Variants in PTK2B observed in about 807,000 individuals in gnomAD.
PTK2B encodes protein-tyrosine kinase 2-beta.
PTK2B carries 71 observed loss-of-function variants against 142.9 expected under a neutral mutation model. That is an observed-to-expected ratio of 0.50 (90% CI 0.41 to 0.61). PTK2B has a LOEUF of 0.61. PTK2B is among the 20% of genes least tolerant of loss of function. PTK2B has a pLI of 0.00. For synonymous variants in PTK2B, 519 were observed against 503.4 expected (o/e 1.03, Z -0.42); for missense variants, 1,105 against 1,320.4 (o/e 0.84, Z 2.53).
intron 1 of PTK2B, among the ~76,000 whole-genome samples, chr8:27,382,944 T>G (rs1807117382): frequency 6.6e-6 from 1 of 152,232 alleles, no homozygotes; most frequent in African/African-American, 2.4e-5. Context: ...CATGCTATTT[T>G]GGTTACTTTA....
intron 24 of PTK2B, among the ~76,000 whole-genome samples, chr8:27,449,115 A>T (rs1399974942): frequency 6.6e-6 from 1 of 152,232 alleles, no homozygotes; most frequent in Non-Finnish European, 1.5e-5. Flanking sequence ...CCTGGAAATA[A>T]GGACTTGTCT....
intron 2 of PTK2B, among the ~76,000 whole-genome samples, chr8:27,405,030 C>T (rs1367091): frequency 1.6e-5 from 2 of 123,448 alleles, no homozygotes; most frequent in African/African-American, 6.3e-5. Context: ...TCCTCTCTTT[C>T]TCTTCCTCTC....
chr8:27,406,287 G>T (rs755202725), intron 2 of PTK2B, among the ~76,000 whole-genome samples: 1 of 151,924 alleles, frequency 6.6e-6, no homozygotes, highest in African/African-American at 2.4e-5. Flanking sequence ...CATTTGCAAA[G>T]CCCCCCATTT....
intron 1 of PTK2B, among the ~76,000 whole-genome samples, chr8:27,326,651 T>C (rs1322473607): frequency 6.6e-6 from 1 of 152,190 alleles, no homozygotes; most frequent in East Asian, 1.9e-4. Context: ...GAGGCCCCTC[T>C]ACGTGGGATG....
At chr8:27,352,637 C>T (rs531460169) in intron 1 of PTK2B, among the ~76,000 whole-genome samples, 40 of 152,250 alleles carry the variant, frequency 2.6e-4, no homozygotes, top group Admixed American at 2.1e-3. Context: ...GGGAGGGACC[C>T]GGTGGGAGGT....
chr8:27,325,832 G>A (rs1186117802), intron 1 of PTK2B, among the ~76,000 whole-genome samples, 151 bp downstream of exon 1: 1 of 152,242 alleles, frequency 6.6e-6, no homozygotes, highest in East Asian at 1.9e-4. Context: ...AATCGGAGCC[G>A]TGGGTGCTGT....
intron 3 of PTK2B, among the ~76,000 whole-genome samples, chr8:27,318,007 C>G (rs143694993): frequency 8.6e-5 from 13 of 151,928 alleles, no homozygotes; most frequent in Non-Finnish European, 1.8e-4. Flanking sequence ...GGTTTTTTTT[C>G]TCTAAAGCAT....
rs1019438337 is a variant in PTK2B at position 27,451,833 on chromosome 8, G to A, written c.2548+324G>A. 1.1e-5 allele frequency: 13 copies of A among 1,145,064 alleles called. No individual in the cohort carries two copies. The East Asian group carries it at 1.4e-4, about 12-fold the overall frequency. The allele number at this position is 1,145,064 out of a possible 1,614,324, so 70.9% of individuals were successfully genotyped here. The stretch of plus-strand genomic sequence containing the variant: ...ATTTCCTGCTCTGTTGGAAGCTCCC[G>A]TGGGAAAAGTTAAGCAGTGCCACCT... On this transcript the variant is annotated intron_variant, in intron 27 of 30. Coordinates refer to ENST00000346049, the MANE Select transcript of PTK2B (RefSeq NM_173176.3).
chr8:27,388,092 G>A (rs1807482415), intron 1 of PTK2B, among the ~76,000 whole-genome samples: 1 of 152,214 alleles, frequency 6.6e-6, no homozygotes, highest in South Asian at 2.1e-4. Flanking sequence ...TTGATTAGCA[G>A]TCTTTAGAAG....
chr8:27,370,864 A>C (rs1806310154), intron 1 of PTK2B, among the ~76,000 whole-genome samples: 1 of 152,146 alleles, frequency 6.6e-6, no homozygotes, highest in African/African-American at 2.4e-5. Flanking sequence ...CTTATTTTTA[A>C]AGAGAAAACT....
intron 7 of PTK2B, among the ~76,000 whole-genome samples, 200 bp from the exon 8 acceptor site, chr8:27,430,676 T>C (rs1810354674): frequency 6.6e-6 from 1 of 152,152 alleles, no homozygotes; most frequent in Admixed American, 6.5e-5. Context: ...CCTCGCCCCC[T>C]CAACCTCCTT....
intron 1 of PTK2B, among the ~76,000 whole-genome samples, chr8:27,375,984 C>T: frequency 6.6e-6 from 1 of 152,220 alleles, no homozygotes; most frequent in East Asian, 1.9e-4. Context: ...GGTTAGTCTG[C>T]TCAGCCGTGC....
chr8:27,319,403 G>A (rs566665678), intron 3 of PTK2B, among the ~76,000 whole-genome samples: 1 of 151,612 alleles, frequency 6.6e-6, no homozygotes, highest in African/African-American at 2.4e-5. Context: ...AGCACTTTGG[G>A]AGGCCAAGGC....
chr8:27,398,035 T>C (rs1198573643), intron 2 of PTK2B, among the ~76,000 whole-genome samples: 1 of 152,266 alleles, frequency 6.6e-6, no homozygotes, highest in Non-Finnish European at 1.5e-5. Context: ...ATAATTTGTT[T>C]GGCCTCTGAT....
intron 1 of PTK2B, among the ~76,000 whole-genome samples, chr8:27,369,950 C>G (rs1806249199): frequency 6.6e-6 from 1 of 152,198 alleles, no homozygotes. Flanking sequence ...GCACTCCAGC[C>G]TGGGTGACAG....
intron 3 of PTK2B, among the ~76,000 whole-genome samples, chr8:27,319,255 G>A (rs1244303118): frequency 2.7e-5 from 4 of 149,190 alleles, no homozygotes; most frequent in Admixed American, 6.7e-5. Flanking sequence ...TGCTATTTTC[G>A]TTTTATCTCT....
intron 2 of PTK2B, among the ~76,000 whole-genome samples, chr8:27,400,627 G>A (rs184906589): frequency 6.6e-6 from 1 of 152,236 alleles, no homozygotes; most frequent in East Asian, 1.9e-4. Flanking sequence ...ACTAGATATA[G>A]GGAGGGAAAG....
intron 1 of PTK2B, among the ~76,000 whole-genome samples, chr8:27,332,743 G>A (rs527969094): frequency 3.9e-5 from 6 of 152,158 alleles, no homozygotes; most frequent in East Asian, 1.9e-4. Context: ...CACCACACCC[G>A]GCTAATTTTT....
intron 22 of PTK2B, among the ~76,000 whole-genome samples, chr8:27,443,788 C>T (rs970816539): frequency 1.3e-5 from 2 of 152,226 alleles, no homozygotes; most frequent in African/African-American, 4.8e-5. Flanking sequence ...ACTTGTCCCT[C>T]TTGCCTGGCA....
Sources: gnomAD v4.1 joint callset for allele counts (sites outside exome capture counted in the v4.1 genomes callset) on GRCh38, gnomAD v4.1.1 for gene constraint, MANE v1.5 for transcripts, NCBI Gene and HGNC (gene_info 2026-07-23, HGNC 2026-07-21) for gene names.